The following WFDC9 variants were observed in gnomAD, a reference collection of about 807,000 sequenced individuals.
WFDC9 encodes the protein protein WFDC9.
Under a neutral mutation model 9.5 loss-of-function variants are expected in WFDC9, and 9 were observed. The ratio of observed to expected loss-of-function variants is 0.95; its 90% CI spans 0.57 to 1.65. WFDC9 has a LOEUF of 1.65. WFDC9 is among the 40% of genes most tolerant of loss of function. The pLI, the probability that WFDC9 is intolerant of heterozygous loss-of-function variation, is 0.00. For synonymous variants in WFDC9, 33 were observed against 32.3 expected (o/e 1.02, Z -0.07); for missense variants, 87 against 106.7 (o/e 0.82, Z 0.81).
At chr20:45,611,476 C>T (rs1158550559) in intron 2 of WFDC9, among the ~76,000 whole-genome samples, 2 of 152,086 alleles carry the variant, frequency 1.3e-5, no homozygotes, top group Admixed American at 6.6e-5. Context: ...GGAGACCTAC[C>T]TAAATTTTCC....
At chr20:45,625,807 CTTTTTTTTTTTTT>C (rs76758338) in intron 1 of WFDC9, among the ~76,000 whole-genome samples, 12 of 46,410 alleles carry the variant, frequency 2.6e-4, no homozygotes, top group Middle Eastern at 0.018. Context: ...GTTCTCTATT[CTTTTTTTTTTTTT>C]TTTTTTTTTT....
chr20:45,612,325 T>C (rs2145595661), intron 2 of WFDC9, among the ~76,000 whole-genome samples: 1 of 152,220 alleles, frequency 6.6e-6, no homozygotes, highest in Non-Finnish European at 1.5e-5. Flanking sequence ...TAAGTACTTA[T>C]TAAGTGCCTA....
At chr20:45,626,101 C>G (rs964962580) in intron 1 of WFDC9, among the ~76,000 whole-genome samples, 13 of 152,098 alleles carry the variant, frequency 8.5e-5, no homozygotes, top group African/African-American at 2.4e-4. Flanking sequence ...GGATTATAGG[C>G]ATGAGCCACT....
intron 1 of WFDC9, 43 bp downstream of exon 1, chr20:45,631,160 T>A (rs1017376406): frequency 3.2e-6 from 3 of 927,000 alleles, no homozygotes; most frequent in Non-Finnish European, 4.4e-6. Flanking sequence ...CTGAACCCCT[T>A]GTCCCTGTCA....
intron 3 of WFDC9, 111 bp from the exon 4 acceptor site, chr20:45,608,921 T>C: frequency 8.2e-7 from 1 of 1,224,450 alleles, no homozygotes; most frequent in Non-Finnish European, 1.1e-6. Context: ...AAAGTATTTC[T>C]CTGCCTTCCA....
intron 1 of WFDC9, among the ~76,000 whole-genome samples, chr20:45,620,678 A>G (rs1199385663): frequency 6.6e-6 from 1 of 152,340 alleles, no homozygotes; most frequent in East Asian, 1.9e-4. Flanking sequence ...GTGTGTGTGT[A>G]CACATATATA....
intron 1 of WFDC9, chr20:45,630,728 G>A: frequency 1.1e-6 from 1 of 924,494 alleles, no homozygotes; most frequent in Non-Finnish European, 1.5e-6. Context: ...TTTGGTGATG[G>A]GCAGGAAGGT....
In WFDC9 at chr20:45,608,146, A is replaced by T. The variant is rs761758808; in HGVS notation, c.240-6T>A. 5.6e-6 allele frequency: 9 copies of T among 1,611,144 alleles called. No homozygotes were observed. Among genetic ancestry groups the T allele is most frequent in the Non-Finnish European group, 7.6e-6 (9 of 1,179,222 alleles). On this transcript the variant is annotated splice_polypyrimidine_tract_variant and splice_region_variant and intron_variant, in intron 4 of 4. Coordinates refer to ENST00000326000, the MANE Select transcript of WFDC9 (RefSeq NM_147198.4). ...GCATTGATTTAAGGGGCTCTCTAGA[A>T]GAGAAAAGTTAGTCAAAAGTCAAGA...
rs1381817435 is a variant in WFDC9, at chr20:45,608,678, A to T, written c.224T>A (p.Ile75Asn). ...ACCAACTCACTCGTTGTCTAAGCAGATGTTTCCACAGTAGGTCCAGCAGCA... is the reference window on the plus strand; with the variant it reads ...ACCAACTCACTCGTTGTCTAAGCAGTTGTTTCCACAGTAGGTCCAGCAGCA... ...HTCCWTYCGNICLDNEEPLKS... is the reference protein window; with the variant it reads ...HTCCWTYCGNNCLDNEEPLKS... The change falls in exon 4 of 5, where the codon ATC (isoleucine) becomes AAC (asparagine). Residue 75 changes from isoleucine (I) to asparagine (N), a missense_variant. Coordinates refer to ENST00000326000, the MANE Select transcript of WFDC9 (RefSeq NM_147198.4). 3.7e-6 allele frequency: 6 copies of T among 1,613,218 alleles called. No individual in the cohort carries two copies. Among genetic ancestry groups the T allele is most frequent in the Non-Finnish European group, 5.1e-6 (6 of 1,179,484 alleles).
chr20:45,617,169 T>C (rs1455946529), intron 1 of WFDC9, among the ~76,000 whole-genome samples: 1 of 152,182 alleles, frequency 6.6e-6, no homozygotes, highest in African/African-American at 2.4e-5. Flanking sequence ...TAAAAATCTA[T>C]GTATAGGCCA....
intron 1 of WFDC9, among the ~76,000 whole-genome samples, chr20:45,618,350 C>T (rs1568653123): frequency 6.6e-6 from 1 of 152,192 alleles, no homozygotes. Flanking sequence ...TCTTATCGTT[C>T]CTGTGTTCCC....
At chr20:45,631,027 G>A in intron 1 of WFDC9, 176 bp downstream of exon 1, 1 of 1,589,936 alleles carries the variant, frequency 6.3e-7, no homozygotes, top group South Asian at 1.2e-5. Context: ...GAGTGGGAGA[G>A]TGGGCTGGGA....
At chr20:45,624,689 G>C (rs1427495448) in intron 1 of WFDC9, among the ~76,000 whole-genome samples, 1 of 152,178 alleles carries the variant, frequency 6.6e-6, no homozygotes. Context: ...CACCAACAGT[G>C]TATAACAGTT....
At chr20:45,612,296 G>A (rs756390884) in intron 2 of WFDC9, among the ~76,000 whole-genome samples, 2 of 151,842 alleles carry the variant, frequency 1.3e-5, no homozygotes, top group Non-Finnish European at 2.9e-5. Context: ...AGGGAGACAG[G>A]GGGAGTTCAT....
intron 2 of WFDC9, among the ~76,000 whole-genome samples, chr20:45,613,143 A>G (rs1600917745): frequency 6.6e-6 from 1 of 152,218 alleles, no homozygotes; most frequent in Non-Finnish European, 1.5e-5. Flanking sequence ...CAATGGTCAC[A>G]TGTAGTTAGT....
At chr20:45,608,604 G>T (rs567249157) in intron 4 of WFDC9, 59 bp downstream of exon 4, 7 of 1,547,500 alleles carry the variant, frequency 4.5e-6, no homozygotes, top group Admixed American at 2.0e-5. Context: ...TTGAATAGTC[G>T]GTAAGGACCA....
chr20:45,608,708 T>C lies in WFDC9; in HGVS notation c.194A>G (p.His65Arg), dbSNP rs1435362399. ...TCCACAGTAGGTCCAGCAGCATGTATGATTTGGACGTACACAAGTCATTAT... is the reference window on the plus strand; with the variant it reads ...TCCACAGTAGGTCCAGCAGCATGTACGATTTGGACGTACACAAGTCATTAT... ...TKIMTCVRPN[H>R]TCCWTYCGNI... is the part of the protein sequence containing the mutation. Residue 65 changes from histidine (H) to arginine (R), a missense_variant, in exon 4 of 5, where the codon CAT becomes CGT. Physicochemically the swap from His to Arg is conservative, Grantham distance 29. Transcript: ENST00000326000. 1 of 1,613,982 alleles carries C rather than the reference T, an allele frequency of 6.2e-7. No individual in the cohort carries two copies. The highest frequency in any genetic ancestry group is 8.5e-7 in the Non-Finnish European group (1 of 1,179,952).
rs189911615 is a variant in WFDC9, at chr20:45,618,278, G to A, written c.-152-3557C>T. On this transcript the variant is annotated intron_variant, in intron 1 of 4. Coordinates refer to ENST00000326000, the MANE Select transcript of WFDC9 (RefSeq NM_147198.4). ...TTGGCTTAAGGGAATGTTGTGGCTG[G>A]TTTGATCTTCTGTCTAGATCACTAA... 1.2e-4 allele frequency among the ~76,000 whole-genome samples: 19 copies of A among 152,276 alleles called. No homozygotes were observed. In the East Asian group the frequency reaches 3.5e-3, roughly 28 times the overall value.
At chr20:45,617,185 A>C (rs2145597919) in intron 1 of WFDC9, among the ~76,000 whole-genome samples, 1 of 152,366 alleles carries the variant, frequency 6.6e-6, no homozygotes, top group South Asian at 2.1e-4. Flanking sequence ...GGCCAAGTGC[A>C]GTGGCTCACG....
Sources: allele counts gnomAD v4.1 joint callset (sites outside exome capture counted in the v4.1 genomes callset), GRCh38; gene constraint gnomAD v4.1.1; transcripts MANE v1.5; gene names NCBI Gene and HGNC (gene_info 2026-07-23, HGNC 2026-07-21).